The following GALNT12 variants were observed in gnomAD, a reference collection of about 807,000 sequenced individuals.
GALNT12 encodes the protein polypeptide N-acetylgalactosaminyltransferase 12.
GALNT12 carries 45 observed loss-of-function variants against 55.5 expected under a neutral mutation model. The ratio of observed to expected loss-of-function variants is 0.81; its 90% CI spans 0.64 to 1.04. GALNT12 has a LOEUF of 1.04. Ranked by LOEUF, GALNT12 falls within the 50% of genes least tolerant of loss-of-function variation. The pLI is 0.00. For synonymous variants in GALNT12, 304 were observed against 312.2 expected (o/e 0.97, Z 0.28); for missense variants, 709 against 754.8 (o/e 0.94, Z 0.71).
intron 1 of GALNT12, among the ~76,000 whole-genome samples, chr9:98,817,069 A>G (rs991844440): frequency 1.3e-5 from 2 of 151,296 alleles, no homozygotes; most frequent in African/African-American, 4.9e-5. Context: ...CTCGTGATTC[A>G]CCCGCCTCGG....
intron 4 of GALNT12, among the ~76,000 whole-genome samples, chr9:98,833,036 A>T (rs1275331174): frequency 6.6e-6 from 1 of 151,962 alleles, no homozygotes; most frequent in African/African-American, 2.4e-5. Flanking sequence ...GGCCCCTTTG[A>T]CCTGGGGTGT....
intron 1 of GALNT12, among the ~76,000 whole-genome samples, chr9:98,817,618 C>T (rs2094602544): frequency 6.6e-6 from 1 of 152,102 alleles, no homozygotes; most frequent in African/African-American, 2.4e-5. Context: ...TGCCCACCAC[C>T]ACGTTCTGCT....
rs1836408150 is a variant in GALNT12 at position 98,846,094 on chromosome 9, C to T, written c.1576C>T (p.Pro526Ser). ...LIMHLCEETA[P>S]ENQKFILQED... ...CATGCATCTCTGCGAAGAAACTGCC[C>T]CAGAGAATCAGAAGTTCATCTTGCA... The change falls in exon 9 of 10, where the codon CCA becomes TCA. Residue 526 changes from proline to serine, a missense_variant. By Grantham distance (74) the Pro-to-Ser change is moderately conservative. Transcript: ENST00000375011. 2 of 1,614,160 alleles carry T rather than the reference C, an allele frequency of 1.2e-6. No homozygotes were observed. Among genetic ancestry groups the T allele is most frequent in the African/African-American group, 1.3e-5 (1 of 75,030 alleles).
At position 98,831,835 on chromosome 9, in the gene GALNT12, C is replaced by T. The variant is rs774616588; in HGVS notation, c.795C>T (p.Phe265=). ...TTGATGTGATCGACTGGAACACCTT[C>T]GAATACCTGGGGAACTCCGGGGAGC... ...PVIDVIDWNT[F]EYLGNSGEPQ... is the part of the protein sequence containing the mutation. The change falls in exon 4 of 10, where the codon TTC becomes TTT. Residue 265 remains phenylalanine (F), a synonymous_variant. Coordinates refer to ENST00000375011, the MANE Select transcript of GALNT12 (RefSeq NM_024642.5). 1.2e-5 allele frequency: 19 copies of T among 1,614,066 alleles called. 1 individual carries two copies. The highest frequency in any genetic ancestry group is 9.9e-5 in the South Asian group (9 of 91,082).
Position 98,807,883 on chromosome 9 carries a change from A to G in GALNT12, c.185A>G (p.Glu62Gly), listed in dbSNP as rs2118256791. 1 of 1,086,050 alleles carries G rather than the reference A, an allele frequency of 9.2e-7. No homozygotes were observed. Among genetic ancestry groups the G allele is most frequent in the Non-Finnish European group, 1.1e-6 (1 of 896,008 alleles). 67.3% of individuals were successfully genotyped at this position (1,086,050 alleles called of 1,614,324 possible). A position where few individuals can be genotyped will look rare whatever the true frequency, so the allele number is the denominator to read the frequency against. ...PPRTPRPGRREPVMPRPPVPA... is the reference protein window; with the variant it reads ...PPRTPRPGRRGPVMPRPPVPA... Reference sequence around the variant, plus strand: ...CGCACCCCGCGCCCCGGGCGGCGCGAGCCGGTCATGCCGCGGCCGCCGGTG... The same window carrying G: ...CGCACCCCGCGCCCCGGGCGGCGCGGGCCGGTCATGCCGCGGCCGCCGGTG... The change falls in exon 1 of 10, where the codon GAG becomes GGG. Residue 62 changes from glutamate (E) to glycine (G), a missense_variant. Around this residue, in one of 5 missense-constraint regions of GALNT12, gnomAD observed 110 missense variants for 102.2 expected, o/e 1.08. Transcript: ENST00000375011.
intron 1 of GALNT12, among the ~76,000 whole-genome samples, chr9:98,816,651 C>CTT (rs374259532): frequency 9.4e-5 from 13 of 138,618 alleles, no homozygotes; most frequent in South Asian, 2.3e-4. Context: ...AAGCAATTAA[C>CTT]TTTTTTTTTT....
intron 4 of GALNT12, among the ~76,000 whole-genome samples, chr9:98,834,542 A>G (rs1267224177): frequency 1.3e-5 from 2 of 152,244 alleles, no homozygotes; most frequent in East Asian, 3.8e-4. Flanking sequence ...GCTTCCAGAT[A>G]AACCTGGTGG....
intron 2 of GALNT12, among the ~76,000 whole-genome samples, 165 bp downstream of exon 2, chr9:98,823,590 C>T (rs1835795795): frequency 6.6e-6 from 1 of 152,134 alleles, no homozygotes; most frequent in African/African-American, 2.4e-5. Context: ...AAACAGTAGG[C>T]GTGGGAAACT....
chr9:98,835,841 T>G (rs890989389), intron 5 of GALNT12, among the ~76,000 whole-genome samples: 1 of 152,188 alleles, frequency 6.6e-6, no homozygotes, highest in East Asian at 1.9e-4. Flanking sequence ...GTTGAAGTGA[T>G]TCTTCTGCCT....
intron 2 of GALNT12, among the ~76,000 whole-genome samples, chr9:98,825,964 G>A (rs1050456092): frequency 7.3e-5 from 11 of 150,100 alleles, no homozygotes; most frequent in African/African-American, 2.7e-4. Flanking sequence ...GACAGAGTGA[G>A]ACCCTGTCTC....
chr9:98,837,071 A>T lies in GALNT12; in HGVS notation c.1135A>T (p.Asn379Tyr), dbSNP rs1836171338. Reference sequence around the variant, plus strand: ...CTACTCCCGCAACAAGGCTCTGGCCAACAGTGTTCGTGCAGCTGAAGTATG... The same window carrying T: ...CTACTCCCGCAACAAGGCTCTGGCCTACAGTGTTCGTGCAGCTGAAGTATG... Reference protein sequence around the residue: ...APYSRNKALANSVRAAEVWMD... With the variant: ...APYSRNKALAYSVRAAEVWMD... Residue 379 changes from asparagine to tyrosine, a missense_variant, in exon 6 of 10, where the codon AAC becomes TAC. By Grantham distance (143) the Asn-to-Tyr change is moderately radical. Transcript: ENST00000375011. The T allele has an allele frequency of 6.2e-7, 1 of 1,614,202 alleles. No individual in the cohort carries two copies. The highest frequency in any genetic ancestry group is 1.6e-4 in the Middle Eastern group (1 of 6,062).
Position 98,821,482 on chromosome 9 carries a change from G to A in GALNT12, c.372-1774G>A, listed in dbSNP as rs368226333. On this transcript the variant is annotated intron_variant, in intron 1 of 9. Transcript: ENST00000375011. ...TAAAAATACAAAAACAAAATTAGCC[G>A]GGTGTGGTGGCAGGCACTTGTAGTC... 5.9e-4 allele frequency among the ~76,000 whole-genome samples: 90 copies of A among 151,942 alleles called. No individual in the cohort carries two copies. The East Asian group carries it at 9.0e-3, about 15-fold the overall frequency.
chr9:98,823,160 C>T (rs1027004145), intron 1 of GALNT12, 96 bp from the exon 2 acceptor site: 3 of 1,114,768 alleles, frequency 2.7e-6, no homozygotes, highest in African/African-American at 3.1e-5. Flanking sequence ...ATGTCCCCTT[C>T]CGCAGGGGAC....
At chr9:98,848,720 C>T in intron 9 of GALNT12, 1 of 584,150 alleles carries the variant, frequency 1.7e-6, no homozygotes, top group East Asian at 3.0e-5. Context: ...ATGCCCAGAG[C>T]AGCCAGCAGG....
At chr9:98,813,250 A>C (rs1835530953) in intron 1 of GALNT12, among the ~76,000 whole-genome samples, 1 of 152,222 alleles carries the variant, frequency 6.6e-6, no homozygotes, top group African/African-American at 2.4e-5. Context: ...GTAGTTTGAC[A>C]TTTGAAGGTA....
At chr9:98,847,130 C>G (rs1376734870) in intron 9 of GALNT12, 1 of 152,144 alleles carries the variant, frequency 6.6e-6, no homozygotes, top group Non-Finnish European at 1.5e-5. Flanking sequence ...TATCCTTTGA[C>G]TCACTAAAAA....
intron 6 of GALNT12, among the ~76,000 whole-genome samples, chr9:98,838,791 C>G (rs946294342): frequency 6.6e-6 from 1 of 152,232 alleles, no homozygotes; most frequent in Non-Finnish European, 1.5e-5. Flanking sequence ...GAAGTCTCTT[C>G]TGAGTCCTTC....
At chr9:98,812,318 T>TGG (rs544972726) in intron 1 of GALNT12, among the ~76,000 whole-genome samples, 1 of 151,490 alleles carries the variant, frequency 6.6e-6, no homozygotes, top group Non-Finnish European at 1.5e-5. Context: ...AGGCCAGGAG[T>TGG]GGTGGCTCAC....
At chr9:98,819,776 G>A (rs1318677730) in intron 1 of GALNT12, among the ~76,000 whole-genome samples, 1 of 152,044 alleles carries the variant, frequency 6.6e-6, no homozygotes, top group Admixed American at 6.5e-5. Context: ...TTTAGATTCA[G>A]ATGGCCCACC....
Sources: gnomAD v4.1 joint callset for allele counts (sites outside exome capture counted in the v4.1 genomes callset) on GRCh38, gnomAD v4.1.1 for gene constraint, gnomAD v4.1.1 regional missense constraint, MANE v1.5 for transcripts, NCBI Gene and HGNC (gene_info 2026-07-23, HGNC 2026-07-21) for gene names.